The following FCHSD2 variants were observed in gnomAD, a reference collection of about 807,000 sequenced individuals.
FCHSD2 encodes the protein FCH and double SH3 domains 2, also known as F-BAR and double SH3 domains protein 2.
In FCHSD2, 38 loss-of-function variants were observed where a neutral mutation model predicts 108.1. The observed-to-expected ratio is 0.35, with a 90% CI of 0.27 to 0.46. The LOEUF is 0.46. FCHSD2 is among the 20% of genes least tolerant of loss of function. The probability of loss-of-function intolerance (pLI) is 1.00; values close to 1 mark genes in which losing one functional copy is unlikely to be tolerated. For synonymous variants in FCHSD2, 279 were observed against 314.7 expected (o/e 0.89, Z 1.20); for missense variants, 751 against 897.8 (o/e 0.84, Z 2.09).
intron 8 of FCHSD2, among the ~76,000 whole-genome samples, chr11:72,948,067 G>A (rs1434491274): frequency 6.6e-6 from 1 of 152,162 alleles, no homozygotes; most frequent in African/African-American, 2.4e-5. Flanking sequence ...GAGTGCAGTG[G>A]TGCGATCTCG....
At chr11:72,965,806 T>C (rs376325787) in intron 8 of FCHSD2, among the ~76,000 whole-genome samples, 1 of 152,222 alleles carries the variant, frequency 6.6e-6, no homozygotes, top group East Asian at 1.9e-4. Context: ...TCACACAGTA[T>C]GTCATCTCTT....
intron 8 of FCHSD2, among the ~76,000 whole-genome samples, chr11:72,930,840 G>C (rs181924570): frequency 6.6e-6 from 1 of 152,110 alleles, no homozygotes; most frequent in East Asian, 1.9e-4. Flanking sequence ...GATGGCTAAT[G>C]GGTACAAAAA....
At position 73,063,047 on chromosome 11, in the gene FCHSD2, G is replaced by T. The variant is rs202119912; in HGVS notation, c.165+20648C>A. On this transcript the variant is annotated intron_variant, in intron 3 of 19. Transcript: ENST00000409418. ...TAAGGGTAGCCAGAGAGAAAGGTCA[G>T]GTTACCCACAAAGGGAAGCCCATCA... is the stretch of plus-strand genomic sequence containing the variant. 3.3e-5 allele frequency among the ~76,000 whole-genome samples: 5 copies of T among 152,296 alleles called. No homozygotes were observed. The East Asian group carries it at 9.6e-4, about 29-fold the overall frequency.
chr11:73,025,992 TTATGTATGTATGTATG>T (rs200477185), intron 3 of FCHSD2, among the ~76,000 whole-genome samples: 30 of 149,520 alleles, frequency 2.0e-4, no homozygotes, highest in East Asian at 9.8e-4. Flanking sequence ...GAGATTCATT[TTATGTATGTATGTATG>T]TATGTATGTA....
chr11:73,061,178 G>A (rs1015496330), intron 3 of FCHSD2, among the ~76,000 whole-genome samples: 4 of 152,180 alleles, frequency 2.6e-5, no homozygotes, highest in East Asian at 1.9e-4. Context: ...GAAGCAGGGT[G>A]GGGGGTCACC....
chr11:72,882,018 G>A (rs915169539), intron 12 of FCHSD2, among the ~76,000 whole-genome samples: 6 of 152,156 alleles, frequency 3.9e-5, no homozygotes, highest in East Asian at 1.9e-4. Flanking sequence ...GGTGGCGGGC[G>A]CCTGTAGTCC....
chr11:73,101,919 G>T (rs761932547), intron 2 of FCHSD2, among the ~76,000 whole-genome samples: 3 of 152,154 alleles, frequency 2.0e-5, no homozygotes, highest in African/African-American at 2.4e-5. Flanking sequence ...AAACAGATTT[G>T]CTTTCAAGGA....
rs1317844666 is a variant in FCHSD2, at chr11:73,142,195, A to T, written c.-318T>A. 2 of 186,634 alleles carry T rather than the reference A, an allele frequency of 1.1e-5. No homozygotes were observed. Among genetic ancestry groups the T allele is most frequent in the East Asian group, 2.6e-4 (2 of 7,832 alleles). 11.6% of individuals were successfully genotyped at this position (186,634 alleles called of 1,614,324 possible). A position where few individuals can be genotyped will look rare whatever the true frequency, so the allele number is the denominator to read the frequency against. ...CCAGGAGCAGGGGCGCGAGGGTCTCAGCCGGCCGGGCGGCGGGTTAGCCGC... is the reference window on the plus strand; with the variant it reads ...CCAGGAGCAGGGGCGCGAGGGTCTCTGCCGGCCGGGCGGCGGGTTAGCCGC... On this transcript the variant is annotated 5_prime_UTR_variant, in exon 1 of 20. Transcript: ENST00000409418.
chr11:73,131,303 G>T (rs1192675364), intron 2 of FCHSD2, among the ~76,000 whole-genome samples: 1 of 150,582 alleles, frequency 6.6e-6, no homozygotes, highest in Non-Finnish European at 1.5e-5. Flanking sequence ...GGATCACAAG[G>T]TCAGGAGATC....
chr11:72,855,363 C>T (rs989754279), intron 13 of FCHSD2, among the ~76,000 whole-genome samples: 4 of 152,110 alleles, frequency 2.6e-5, no homozygotes, highest in Non-Finnish European at 4.4e-5. Context: ...GTAATCCCAG[C>T]TGCTCAGGAG....
At chr11:72,909,817 G>A (rs1855718487) in intron 9 of FCHSD2, among the ~76,000 whole-genome samples, 2 of 150,074 alleles carry the variant, frequency 1.3e-5, no homozygotes, top group South Asian at 4.2e-4. Context: ...TCTGAGAAGT[G>A]AGGAGCACCT....
At chr11:72,845,437 C>CAAAA (rs755929012) in intron 14 of FCHSD2, among the ~76,000 whole-genome samples, 6 of 81,946 alleles carry the variant, frequency 7.3e-5, no homozygotes, top group Non-Finnish European at 1.1e-4. Flanking sequence ...GACCCTGTCT[C>CAAAA]AAAAAAAAAA....
intron 13 of FCHSD2, among the ~76,000 whole-genome samples, chr11:72,857,617 T>C (rs1861460384): frequency 6.6e-6 from 1 of 151,674 alleles, no homozygotes; most frequent in Non-Finnish European, 1.5e-5. Context: ...TTTTGTATTT[T>C]TTTTTTTTTT....
chr11:73,083,767 C>T, intron 2 of FCHSD2, 27 bp from the exon 3 acceptor site: 2 of 1,392,640 alleles, frequency 1.4e-6, no homozygotes, highest in South Asian at 2.5e-5. Flanking sequence ...AAATTAATTA[C>T]CAGAAGGATA....
chr11:72,964,640 G>A (rs761741357), intron 8 of FCHSD2, among the ~76,000 whole-genome samples: 1 of 152,092 alleles, frequency 6.6e-6, no homozygotes, highest in Non-Finnish European at 1.5e-5. Context: ...AATCTTCTGC[G>A]TTAACTTCCG....
At chr11:73,081,436 T>TTAAA (rs1859682951) in intron 3 of FCHSD2, among the ~76,000 whole-genome samples, 1 of 152,156 alleles carries the variant, frequency 6.6e-6, no homozygotes, top group Middle Eastern at 3.4e-3. Context: ...TCCATCTCAA[T>TTAAA]TAAATAAATA....
intron 12 of FCHSD2, among the ~76,000 whole-genome samples, chr11:72,884,391 G>T (rs544091900): frequency 1.3e-5 from 2 of 151,702 alleles, no homozygotes; most frequent in East Asian, 3.9e-4. Context: ...TAGTCAAGAG[G>T]TCTGCTAACA....
chr11:72,998,148 C>T (rs772537835), intron 5 of FCHSD2, among the ~76,000 whole-genome samples: 1 of 152,034 alleles, frequency 6.6e-6, no homozygotes, highest in Non-Finnish European at 1.5e-5. Flanking sequence ...GGTCTAACAG[C>T]CAAAAAGTCA....
In FCHSD2 at chr11:72,861,743, G is replaced by A. The variant is rs549380023; in HGVS notation, c.1308+6122C>T. Among the ~76,000 whole-genome samples the A allele has an allele frequency of 6.6e-5, 10 of 152,048 alleles. No homozygotes were observed. The East Asian group carries it at 7.7e-4, about 12-fold the overall frequency. On this transcript the variant is annotated intron_variant, in intron 13 of 19. Coordinates refer to ENST00000409418, the MANE Select transcript of FCHSD2 (RefSeq NM_014824.3). ...TCGGGAGTTCAAGACCAACCTGACC[G>A]ACATAGAGAAACCCTATCTCTACTA...
Sources: allele counts gnomAD v4.1 joint callset (sites outside exome capture counted in the v4.1 genomes callset), GRCh38; gene constraint gnomAD v4.1.1; transcripts MANE v1.5; gene names NCBI Gene and HGNC (gene_info 2026-07-23, HGNC 2026-07-21).